Variants in TARP observed in about 807,000 individuals in gnomAD.
chr7:38,266,144 T>C, the TARP span, among the ~76,000 whole-genome samples: 3 of 151,746 alleles, frequency 2.0e-5, no homozygotes, highest in Non-Finnish European at 4.4e-5. Context: ...TTTGGTCCTT[T>C]TCCCACTTCC....
At chr7:38,269,378 T>A in the TARP span, 1 of 630,246 alleles carries the variant, frequency 1.6e-6, no homozygotes, top group Non-Finnish European at 2.8e-6. Flanking sequence ...GTTTTCTACA[T>A]CAAATCCCCA....
chr7:38,263,748 T>C, the TARP span, among the ~76,000 whole-genome samples: 7 of 151,870 alleles, frequency 4.6e-5, no homozygotes, highest in African/African-American at 1.7e-4. Context: ...TTCTAGTAGA[T>C]GTGTTCTTGT....
At chr7:38,266,299 T>A in the TARP span, among the ~76,000 whole-genome samples, 1 of 150,620 alleles carries the variant, frequency 6.6e-6, no homozygotes, top group Middle Eastern at 3.2e-3. Flanking sequence ...CCCATATGAA[T>A]CAATGTCAAA....
chr7:38,273,421 AG>A, the TARP span, among the ~76,000 whole-genome samples: 1 of 151,364 alleles, frequency 6.6e-6, no homozygotes, highest in African/African-American at 2.4e-5. Context: ...CTCCCATGCT[AG>A]GGCAGGAAAA....
At chr7:38,262,571 G>C in the TARP span, among the ~76,000 whole-genome samples, 1 of 151,672 alleles carries the variant, frequency 6.6e-6, no homozygotes, top group African/African-American at 2.4e-5. Context: ...AAAATAAACT[G>C]AACAAATGGC....
At chr7:38,262,763 T>G in the TARP span, among the ~76,000 whole-genome samples, 1 of 151,552 alleles carries the variant, frequency 6.6e-6, no homozygotes, top group Non-Finnish European at 1.5e-5. Context: ...CATGAGATCC[T>G]CCCATCTCAG....
At chr7:38,259,897 A>G in the TARP span, 1 of 578,588 alleles carries the variant, frequency 1.7e-6, no homozygotes, top group African/African-American at 1.9e-5. Flanking sequence ...GCTATTCCTC[A>G]TTGTTATTAC....
the TARP span, among the ~76,000 whole-genome samples, chr7:38,263,625 T>G: frequency 6.6e-6 from 1 of 151,308 alleles, no homozygotes; most frequent in Admixed American, 6.6e-5. Context: ...AGGTGAGAGT[T>G]GAATTTATCT....
the TARP span, chr7:38,269,424 T>A: frequency 1.7e-5 from 12 of 703,708 alleles, no homozygotes; most frequent in African/African-American, 3.5e-5. Flanking sequence ...TATTACATTA[T>A]TCCAGTTTAA....
the TARP span, among the ~76,000 whole-genome samples, chr7:38,266,887 G>C: frequency 2.0e-5 from 3 of 151,422 alleles, no homozygotes; most frequent in Admixed American, 1.3e-4. Flanking sequence ...ATTTTTTCTT[G>C]ATTATTTTCA....
At chr7:38,271,627 C>G in the TARP span, among the ~76,000 whole-genome samples, 1 of 151,132 alleles carries the variant, frequency 6.6e-6, no homozygotes, top group Non-Finnish European at 1.5e-5. Flanking sequence ...TTACTTCATA[C>G]AACTGTAGAA....
At chr7:38,269,699 G>A in the TARP span, among the ~76,000 whole-genome samples, 2 of 151,728 alleles carry the variant, frequency 1.3e-5, no homozygotes, top group Admixed American at 6.6e-5. Context: ...TAAAGCTTTT[G>A]GTGTTTTATT....
At chr7:38,271,177 A>C in the TARP span, among the ~76,000 whole-genome samples, 5 of 151,496 alleles carry the variant, frequency 3.3e-5, no homozygotes, top group Admixed American at 3.3e-4. Flanking sequence ...GATAGCTTAA[A>C]TAAATAACAA....
the TARP span, chr7:38,262,314 C>T: frequency 1.1e-6 from 1 of 923,532 alleles, no homozygotes; most frequent in African/African-American, 1.7e-5. Flanking sequence ...GGCAGGAGGA[C>T]AGTTATTAAA....
At chr7:38,266,845 C>CA in the TARP span, among the ~76,000 whole-genome samples, 1 of 151,756 alleles carries the variant, frequency 6.6e-6, no homozygotes. Context: ...AATTTAGAAA[C>CA]AAAATGGCAA....
the TARP span, chr7:38,265,506 C>T: frequency 3.1e-6 from 5 of 1,612,070 alleles, no homozygotes; most frequent in Non-Finnish European, 4.2e-6. Context: ...TGTTCCCCTC[C>T]TGGGATCCCA....
chr7:38,267,973 C>A, the TARP span, among the ~76,000 whole-genome samples: 1 of 151,220 alleles, frequency 6.6e-6, no homozygotes, highest in Non-Finnish European at 1.5e-5. Flanking sequence ...AAGTTTCATT[C>A]TTTTCAGGAC....
the TARP span, among the ~76,000 whole-genome samples, chr7:38,261,909 C>T: frequency 6.7e-6 from 1 of 149,308 alleles, no homozygotes; most frequent in Non-Finnish European, 1.5e-5. Context: ...AAAAAAGACA[C>T]ATGAATGAAT....
At chr7:38,266,531 C>T in the TARP span, among the ~76,000 whole-genome samples, 2,113 of 150,940 alleles carry the variant, frequency 0.014, no homozygotes, top group African/African-American at 0.049. Flanking sequence ...AAAACTCCTG[C>T]GCTCAAGTGA....
Sources: allele counts gnomAD v4.1 joint callset (sites outside exome capture counted in the v4.1 genomes callset), GRCh38; gene constraint gnomAD v4.1.1; transcripts MANE v1.5.